BCKDHB: variants seen among roughly 807,000 people sequenced by gnomAD.
BCKDHB encodes 2-oxoisovalerate dehydrogenase subunit beta, mitochondrial.
Under a neutral mutation model 48.5 loss-of-function variants are expected in BCKDHB, and 41 were observed. The ratio of observed to expected loss-of-function variants is 0.85; its 90% CI spans 0.66 to 1.10. The LOEUF (loss-of-function observed/expected upper bound fraction) is 1.10. Ranked by LOEUF, BCKDHB falls within the 50% of genes least tolerant of loss-of-function variation. BCKDHB has a pLI of 0.00. For synonymous variants in BCKDHB, 201 were observed against 174.8 expected (o/e 1.15, Z -1.18); for missense variants, 496 against 494.2 (o/e 1.00, Z -0.03).
chr6:80,305,880 A>G (rs529543122), intron 9 of BCKDHB, among the ~76,000 whole-genome samples: 1 of 152,298 alleles, frequency 6.6e-6, no homozygotes, highest in Admixed American at 6.5e-5. Flanking sequence ...GGAATATAAT[A>G]ATGCCTAATA....
At chr6:80,361,625 G>A in the BCKDHB span, among the ~76,000 whole-genome samples, 1 of 152,194 alleles carries the variant, frequency 6.6e-6, no homozygotes, top group South Asian at 2.1e-4. Context: ...TCAAATAGGA[G>A]CATCACCCCC....
intron 8 of BCKDHB, among the ~76,000 whole-genome samples, chr6:80,219,582 A>G (rs1775322241): frequency 6.6e-6 from 1 of 152,074 alleles, no homozygotes; most frequent in Non-Finnish European, 1.5e-5. Flanking sequence ...ATCACCAGGG[A>G]TGTTTCTCCA....
intron 9 of BCKDHB, among the ~76,000 whole-genome samples, chr6:80,304,546 T>A (rs1318380627): frequency 2.6e-5 from 4 of 152,168 alleles, no homozygotes; most frequent in African/African-American, 9.7e-5. Context: ...AGCTCAATGT[T>A]TTATACACAG....
At chr6:80,317,737 T>C (rs541353156) in intron 9 of BCKDHB, among the ~76,000 whole-genome samples, 11 of 152,352 alleles carry the variant, frequency 7.2e-5, no homozygotes, top group Non-Finnish European at 8.8e-5. Flanking sequence ...TCCCTTTCTC[T>C]TTTCCTTAGT....
At chr6:80,225,467 A>G (rs1775642078) in intron 8 of BCKDHB, among the ~76,000 whole-genome samples, 1 of 152,230 alleles carries the variant, frequency 6.6e-6, no homozygotes, top group African/African-American at 2.4e-5. Context: ...GTTAATTTTT[A>G]ACAGCACTAT....
At chr6:80,398,574 T>C in the BCKDHB span, among the ~76,000 whole-genome samples, 1 of 150,818 alleles carries the variant, frequency 6.6e-6, no homozygotes, top group Admixed American at 6.6e-5. Context: ...CAAAAATGAA[T>C]CAGCAATAAA....
chr6:80,316,089 C>T (rs951754413), intron 9 of BCKDHB, among the ~76,000 whole-genome samples: 2 of 152,128 alleles, frequency 1.3e-5, no homozygotes, highest in Non-Finnish European at 2.9e-5. Context: ...GGTTTCATTC[C>T]TATGCTGTGA....
chr6:80,252,101 C>A (rs1776861159), intron 8 of BCKDHB, among the ~76,000 whole-genome samples: 1 of 152,128 alleles, frequency 6.6e-6, no homozygotes, highest in South Asian at 2.1e-4. Context: ...ATTACTTCAT[C>A]ATTTTTATAG....
At chr6:80,398,745 G>A in the BCKDHB span, among the ~76,000 whole-genome samples, 4 of 150,810 alleles carry the variant, frequency 2.7e-5, no homozygotes, top group Admixed American at 6.6e-5. Flanking sequence ...ATTCTATGAG[G>A]CCAGAATTAT....
intron 6 of BCKDHB, among the ~76,000 whole-genome samples, chr6:80,177,772 G>A (rs1773233133): frequency 6.6e-6 from 1 of 152,118 alleles, no homozygotes. Flanking sequence ...AATAAAGTAG[G>A]TAAAGGATAC....
intron 3 of BCKDHB, among the ~76,000 whole-genome samples, chr6:80,132,310 A>G (rs1770671072): frequency 6.6e-6 from 1 of 152,040 alleles, no homozygotes; most frequent in African/African-American, 2.4e-5. Flanking sequence ...TGTAATCCAT[A>G]ACTCCCACCA....
At chr6:80,242,551 A>G (rs552620632) in intron 8 of BCKDHB, among the ~76,000 whole-genome samples, 16 of 152,006 alleles carry the variant, frequency 1.1e-4, no homozygotes, top group Non-Finnish European at 2.4e-4. Context: ...TGACACACAC[A>G]CATACACATA....
intron 9 of BCKDHB, among the ~76,000 whole-genome samples, chr6:80,312,145 T>G (rs369843446): frequency 5.3e-5 from 8 of 152,304 alleles, no homozygotes; most frequent in African/African-American, 1.2e-4. Context: ...TTCACTTCCC[T>G]TATTAGCTGT....
At chr6:80,463,038 C>T in the BCKDHB span, 8 of 152,108 alleles carry the variant, frequency 5.3e-5, no homozygotes, top group African/African-American at 1.7e-4. Flanking sequence ...CTTGGAATGA[C>T]ACCCACCTGC....
chr6:80,195,784 A>G (rs996721712), intron 6 of BCKDHB, among the ~76,000 whole-genome samples: 15 of 152,290 alleles, frequency 9.8e-5, no homozygotes, highest in African/African-American at 3.6e-4. Flanking sequence ...CTGGTTGGGT[A>G]GATTTACGCC....
chr6:80,221,228 G>A (rs150352781), intron 8 of BCKDHB, among the ~76,000 whole-genome samples: 38 of 152,112 alleles, frequency 2.5e-4, no homozygotes, highest in Non-Finnish European at 4.6e-4. Context: ...ATTTATCTCC[G>A]CATTGGCTTC....
chr6:80,217,352 A>G (rs1775221342), intron 8 of BCKDHB, among the ~76,000 whole-genome samples: 1 of 152,046 alleles, frequency 6.6e-6, no homozygotes, highest in Admixed American at 6.6e-5. Context: ...TCTTCTAGGA[A>G]CTTGGTTTGT....
Position 80,108,721 on chromosome 6 carries a change from G to A in BCKDHB, c.196+1832G>A, listed in dbSNP as rs183135867. On this transcript the variant is annotated intron_variant, in intron 1 of 9. Transcript: ENST00000320393. ...CCAAAAATACAAAAATTAGCTGGGC[G>A]TGGCAGCGCATGCCTGTAGTCCCAG... is the stretch of plus-strand genomic sequence containing the variant. 4.5e-3 allele frequency among the ~76,000 whole-genome samples: 691 copies of A among 152,114 alleles called. 8 individuals are homozygous for A. The highest frequency in any genetic ancestry group is 7.3e-3 in the Non-Finnish European group (497 of 67,992).
At chr6:80,124,103 C>G (rs1413894531) in intron 1 of BCKDHB, among the ~76,000 whole-genome samples, 1 of 152,180 alleles carries the variant, frequency 6.6e-6, no homozygotes, top group Non-Finnish European at 1.5e-5. Flanking sequence ...TCTTTGCTCT[C>G]ATTGATTTCA....
Sources: allele counts gnomAD v4.1 joint callset (sites outside exome capture counted in the v4.1 genomes callset), GRCh38; gene constraint gnomAD v4.1.1; transcripts MANE v1.5; gene names NCBI Gene and HGNC (gene_info 2026-07-23, HGNC 2026-07-21).